Variants in GHR observed in about 807,000 individuals in gnomAD.
GHR encodes growth hormone receptor.
In GHR, 35 loss-of-function variants were observed where a neutral mutation model predicts 67.1. The ratio of observed to expected loss-of-function variants is 0.52; its 90% confidence interval spans 0.40 to 0.69. GHR has a LOEUF of 0.69. GHR is among the 30% of genes least tolerant of loss of function. The probability of loss-of-function intolerance (pLI) is 0.00; values close to 1 mark genes in which losing one functional copy is unlikely to be tolerated. For missense variants in GHR, 792 were observed against 764.6 expected (o/e 1.04, Z -0.42); for synonymous variants, 272 against 269.1 (o/e 1.01, Z -0.10).
At chr5:42,660,145 C>T (rs902115731) in intron 3 of GHR, among the ~76,000 whole-genome samples, 1 of 152,208 alleles carries the variant, frequency 6.6e-6, no homozygotes, top group African/African-American at 2.4e-5. Context: ...CTCAAGGAGG[C>T]CTGCCTGCCT....
At chr5:42,545,212 A>G (rs1483250550) in intron 1 of GHR, among the ~76,000 whole-genome samples, 2 of 152,192 alleles carry the variant, frequency 1.3e-5, no homozygotes, top group Admixed American at 6.5e-5. Context: ...AGCCTTTGGT[A>G]TTAGGACTTT....
At chr5:42,503,804 T>A (rs1041430791) in intron 1 of GHR, among the ~76,000 whole-genome samples, 13 of 151,900 alleles carry the variant, frequency 8.6e-5, no homozygotes, top group African/African-American at 2.7e-4. Context: ...ACTTTTTTTT[T>A]AATAGAACTG....
At chr5:42,526,533 A>T (rs1747712643) in intron 1 of GHR, among the ~76,000 whole-genome samples, 1 of 152,246 alleles carries the variant, frequency 6.6e-6, no homozygotes, top group Admixed American at 6.5e-5. Context: ...ATAGCCTTCT[A>T]TTGGAAGAAT....
intron 3 of GHR, among the ~76,000 whole-genome samples, chr5:42,686,965 G>A (rs969928796): frequency 2.0e-5 from 3 of 152,166 alleles, no homozygotes; most frequent in African/African-American, 7.2e-5. Context: ...AAGCTGATAA[G>A]CAACTTCAGC....
At chr5:42,517,219 A>G (rs1438223762) in intron 1 of GHR, among the ~76,000 whole-genome samples, 1 of 152,232 alleles carries the variant, frequency 6.6e-6, no homozygotes, top group Non-Finnish European at 1.5e-5. Flanking sequence ...GGTTGAGAAA[A>G]TAAATTTTGG....
Position 42,438,287 on chromosome 5 carries a change from G to A in GHR, c.-12+14332G>A, listed in dbSNP as rs549529006. ...TTCAAGAACCCACAGCTGGTAAGTC[G>A]CACAGTGTATTCAAACCCAGATCTT... is the stretch of plus-strand genomic sequence containing the variant. On this transcript the variant is annotated intron_variant, in intron 1 of 9. Transcript: ENST00000230882. Among the ~76,000 whole-genome samples, 9 of 152,270 alleles carry A rather than the reference G, an allele frequency of 5.9e-5. No individual in the cohort carries two copies. The South Asian group carries it at 1.7e-3, about 28-fold the overall frequency.
At chr5:42,541,289 G>A (rs1037380220) in intron 1 of GHR, among the ~76,000 whole-genome samples, 1 of 152,164 alleles carries the variant, frequency 6.6e-6, no homozygotes, top group Non-Finnish European at 1.5e-5. Context: ...TGTCAGGCAA[G>A]AGCTTACAGA....
At chr5:42,696,749 A>G (rs1259860261) in intron 5 of GHR, among the ~76,000 whole-genome samples, 1 of 152,164 alleles carries the variant, frequency 6.6e-6, no homozygotes, top group East Asian at 1.9e-4. Context: ...ACTTGAGGAT[A>G]CTAATAGTTA....
rs1448742147 is a variant in GHR at position 42,685,583 on chromosome 5, C to T, written c.137-3307C>T. On this transcript the variant is annotated intron_variant, in intron 3 of 9. Transcript: ENST00000230882. The stretch of plus-strand genomic sequence containing the variant: ...CAACAGTGTAAAAGCGTTCCTATTT[C>T]TCCACATCCTCTCCAGCATCTGTTT... 2.0e-5 allele frequency among the ~76,000 whole-genome samples: 3 copies of T among 152,182 alleles called. No individual in the cohort carries two copies. In the East Asian group the frequency reaches 5.8e-4, roughly 29 times the overall value.
chr5:42,564,025 C>G (rs1204206885), intron 1 of GHR, among the ~76,000 whole-genome samples: 1 of 151,980 alleles, frequency 6.6e-6, no homozygotes, highest in Non-Finnish European at 1.5e-5. Flanking sequence ...GCCATCAGCT[C>G]AAGGCCTTCC....
chr5:42,658,651 C>A (rs1174831513), intron 3 of GHR, among the ~76,000 whole-genome samples: 1 of 151,454 alleles, frequency 6.6e-6, no homozygotes, highest in African/African-American at 2.4e-5. Context: ...TGATTTTTTT[C>A]CCCCCAGGGG....
chr5:42,538,979 C>A (rs1748382577), intron 1 of GHR, among the ~76,000 whole-genome samples: 3 of 152,044 alleles, frequency 2.0e-5, no homozygotes, highest in Non-Finnish European at 2.9e-5. Context: ...CTGAGACTTT[C>A]CAGAGCGTTT....
intron 1 of GHR, chr5:42,548,246 T>A: frequency 1.0e-6 from 1 of 985,158 alleles, no homozygotes; most frequent in Non-Finnish European, 1.2e-6. Flanking sequence ...AGAGAGAGAT[T>A]GAGAATGACT....
chr5:42,666,918 G>C (rs1010178859), intron 3 of GHR, among the ~76,000 whole-genome samples: 1 of 152,178 alleles, frequency 6.6e-6, no homozygotes, highest in Non-Finnish European at 1.5e-5. Context: ...AATGGTGCCA[G>C]GGTTGGCATT....
At chr5:42,469,588 A>C (rs1324390531) in intron 1 of GHR, among the ~76,000 whole-genome samples, 1 of 152,148 alleles carries the variant, frequency 6.6e-6, no homozygotes, top group Non-Finnish European at 1.5e-5. Flanking sequence ...ACCAGGATTC[A>C]GGCACCTTCT....
At chr5:42,437,825 G>C (rs1243483893) in intron 1 of GHR, among the ~76,000 whole-genome samples, 1 of 151,214 alleles carries the variant, frequency 6.6e-6, no homozygotes, top group African/African-American at 2.4e-5. Flanking sequence ...CCAAGTGCTG[G>C]GATTACAGGT....
In GHR at chr5:42,607,525, G is replaced by A. The variant is rs116271177; in HGVS notation, c.71-21513G>A. 4.3e-3 allele frequency among the ~76,000 whole-genome samples: 661 copies of A among 152,302 alleles called. 4 individuals are homozygous for A. The highest frequency in any genetic ancestry group is 0.015 in the African/African-American group (639 of 41,558). On this transcript the variant is annotated intron_variant, in intron 2 of 9. Coordinates refer to ENST00000230882, the MANE Select transcript of GHR (RefSeq NM_000163.5). ...CTTATTCTGAGAGAGCTTATAGTCT[G>A]ATTAGGAATAAGAAAACTGACACAA... is the stretch of plus-strand genomic sequence containing the variant.
intron 1 of GHR, chr5:42,550,162 G>C (rs1399695314): frequency 4.3e-6 from 3 of 702,210 alleles, no homozygotes; most frequent in Non-Finnish European, 5.3e-6. Context: ...GAAAATAGTG[G>C]CAGGCTGAAG....
chr5:42,478,113 A>T (rs369205205), intron 1 of GHR, among the ~76,000 whole-genome samples: 15 of 152,202 alleles, frequency 9.9e-5, no homozygotes, highest in South Asian at 6.2e-4. Context: ...GCTAGCCAGT[A>T]TTCCCAGCAC....
Sources: gnomAD v4.1 joint callset for allele counts (sites outside exome capture counted in the v4.1 genomes callset) on GRCh38, gnomAD v4.1.1 for gene constraint, MANE v1.5 for transcripts, NCBI Gene and HGNC (gene_info 2026-07-23, HGNC 2026-07-21) for gene names.